RBM39: variants seen among roughly 807,000 people sequenced by gnomAD.
The protein encoded by RBM39 is RNA-binding protein 39.
In RBM39, 12 loss-of-function variants were observed where a neutral mutation model predicts 79.6. The ratio of observed to expected loss-of-function variants is 0.15; its 90% confidence interval spans 0.10 to 0.24. The LOEUF (loss-of-function observed/expected upper bound fraction) is 0.24. RBM39 is among the 10% of genes least tolerant of loss of function. The pLI is 1.00. For missense variants in RBM39, 243 were observed against 653.4 expected (o/e 0.37, Z 6.85); for synonymous variants, 185 against 208.4 (o/e 0.89, Z 0.97).
intron 4 of RBM39, 122 bp downstream of exon 4, chr20:35,731,814 TAATTC>T: frequency 1.1e-6 from 1 of 928,134 alleles, no homozygotes; most frequent in Admixed American, 2.2e-5. Context: ...CCAATATCCT[TAATTC>T]AATACTTTTT....
At chr20:35,709,634 A>G (rs1053093129) in intron 12 of RBM39, among the ~76,000 whole-genome samples, 2 of 152,218 alleles carry the variant, frequency 1.3e-5, no homozygotes, top group African/African-American at 4.8e-5. Context: ...AGTACTTGGG[A>G]AATGCAAGTA....
chr20:35,705,194 TAAC>T, intron 15 of RBM39, 28 bp downstream of exon 15: 1 of 1,300,274 alleles, frequency 7.7e-7, no homozygotes, highest in Non-Finnish European at 1.1e-6. Context: ...ACGAACAACC[TAAC>T]ATCATTTATA....
In RBM39 at chr20:35,704,568, T is replaced by A; in HGVS notation, c.1506A>T (p.Thr502=). The change falls in exon 17 of 17, where the codon ACA becomes ACT. Residue 502 remains threonine (T), a synonymous_variant. Transcript: ENST00000253363. ...HGRWFAGKMI[T]AAYVPLPTYH... ...AAGTTGGAAGAGGTACATATGCTGCTGTTATCATTTTACCTATTAAAAGAA... is the reference window on the plus strand; with the variant it reads ...AAGTTGGAAGAGGTACATATGCTGCAGTTATCATTTTACCTATTAAAAGAA... The A allele has an allele frequency of 1.9e-6, 3 of 1,613,264 alleles. No individual in the cohort carries two copies. Among genetic ancestry groups the A allele is most frequent in the Non-Finnish European group, 2.5e-6 (3 of 1,179,178 alleles).
rs1221161147 is a variant in RBM39, at chr20:35,712,847, A to G, written c.1174+172T>C. Among the ~76,000 whole-genome samples, 3 of 152,198 alleles carry G rather than the reference A, an allele frequency of 2.0e-5. No individual in the cohort carries two copies. The East Asian group carries it at 5.8e-4, about 29-fold the overall frequency. ...CTGTCCTGACAACTCATTTTGATGCATGGTTAATTCTACCCTATGTCTCCA... is the reference window on the plus strand; with the variant it reads ...CTGTCCTGACAACTCATTTTGATGCGTGGTTAATTCTACCCTATGTCTCCA... On this transcript the variant is annotated intron_variant, in intron 12 of 16. Transcript: ENST00000253363.
At chr20:35,737,058 ACCAT>A (rs2040004991) in intron 3 of RBM39, among the ~76,000 whole-genome samples, 1 of 150,526 alleles carries the variant, frequency 6.6e-6, no homozygotes, top group African/African-American at 2.4e-5. Flanking sequence ...AGAGATGGAG[ACCAT>A]CCTGGCCAAC....
At chr20:35,733,823 A>C (rs2039633029) in intron 3 of RBM39, among the ~76,000 whole-genome samples, 1 of 152,112 alleles carries the variant, frequency 6.6e-6, no homozygotes, top group African/African-American at 2.4e-5. Context: ...CTCTAACTAA[A>C]AACCAAAAAA....
intron 9 of RBM39, 78 bp downstream of exon 9, chr20:35,721,660 CAA>C: frequency 6.8e-7 from 1 of 1,478,412 alleles, no homozygotes; most frequent in Non-Finnish European, 9.2e-7. Context: ...AGAAAGATAA[CAA>C]AGCAAGACAT....
intron 8 of RBM39, among the ~76,000 whole-genome samples, chr20:35,722,965 T>C (rs1475736897): frequency 2.0e-5 from 3 of 149,792 alleles, no homozygotes; most frequent in African/African-American, 7.3e-5. Flanking sequence ...GTAAGCAGGC[T>C]ACATTTCACA....
rs757169333 is a variant in RBM39, at chr20:35,740,816, T to C, written c.51+8A>G. 1 of 1,607,186 alleles carries C rather than the reference T, an allele frequency of 6.2e-7. No homozygotes were observed. The highest frequency in any genetic ancestry group is 1.3e-5 in the African/African-American group (1 of 74,522). ...ATATATAAACCTCACCGACATGTTT[T>C]TTCTCACCTTCTTGTAAGGAGCCTC... On this transcript the variant is annotated splice_region_variant and intron_variant, in intron 2 of 16. Transcript: ENST00000253363.
At chr20:35,727,025 C>T (rs921854808) in intron 6 of RBM39, among the ~76,000 whole-genome samples, 6 of 151,936 alleles carry the variant, frequency 3.9e-5, no homozygotes, top group Non-Finnish European at 8.8e-5. Flanking sequence ...TGGGGTTTCA[C>T]CATGTTGGTC....
At chr20:35,738,855 AAAG>A in intron 3 of RBM39, 110 bp downstream of exon 3, 1 of 936,154 alleles carries the variant, frequency 1.1e-6, no homozygotes, top group Non-Finnish European at 1.6e-6. Flanking sequence ...TAAAAGCAGC[AAAG>A]AAAAGCTTCA....
intron 10 of RBM39, 74 bp from the exon 11 acceptor site, chr20:35,714,463 T>A (rs2036853219): frequency 4.2e-6 from 6 of 1,431,178 alleles, no homozygotes; most frequent in Non-Finnish European, 4.6e-6. Context: ...TAAAAATATA[T>A]TTATATTTTT....
intron 6 of RBM39, among the ~76,000 whole-genome samples, chr20:35,726,811 G>T (rs1052579799): frequency 1.3e-5 from 2 of 151,994 alleles, no homozygotes; most frequent in Admixed American, 1.3e-4. Flanking sequence ...CGCTCCACCT[G>T]TAAGATTTGT....
intron 9 of RBM39, among the ~76,000 whole-genome samples, chr20:35,721,487 C>T (rs1375466676): frequency 6.6e-6 from 1 of 152,190 alleles, no homozygotes. Flanking sequence ...CCATGCCCAG[C>T]CAATGTGGAC....
At chr20:35,716,515 ATG>A (rs1169259094) in intron 10 of RBM39, among the ~76,000 whole-genome samples, 2 of 152,130 alleles carry the variant, frequency 1.3e-5, no homozygotes, top group Non-Finnish European at 2.9e-5. Context: ...TTTCACATTC[ATG>A]TGTGAGCTGT....
chr20:35,741,105 G>A (rs1296682153), intron 1 of RBM39, among the ~76,000 whole-genome samples: 1 of 133,688 alleles, frequency 7.5e-6, no homozygotes, highest in Admixed American at 8.7e-5. Flanking sequence ...CGCGATCTCG[G>A]CTCACTGCAA....
chr20:35,712,435 CAAA>C (rs765974114), intron 12 of RBM39, among the ~76,000 whole-genome samples: 2,955 of 32,706 alleles, frequency 0.09, 84 homozygotes, highest in African/African-American at 0.18. Flanking sequence ...TACTGTTATC[CAAA>C]AAAAAAAAAA....
rs779584443 is a variant in RBM39 at position 35,735,015 on chromosome 20, G to C, written c.102-2880C>G. 68 of 1,609,082 alleles carry C rather than the reference G, an allele frequency of 4.2e-5. No individual in the cohort carries two copies. In the East Asian group the frequency reaches 1.5e-3, roughly 35 times the overall value. On this transcript the variant is annotated intron_variant, in intron 3 of 16. Coordinates refer to ENST00000253363, the MANE Select transcript of RBM39 (RefSeq NM_184234.3). The stretch of plus-strand genomic sequence containing the variant: ...TGGTTATATGGCCTCTGCAGTAAAG[G>C]TGTTTTGCTATAACTGGATTTGACC...
intron 7 of RBM39, 76 bp downstream of exon 7, chr20:35,724,962 A>G: frequency 1.8e-6 from 2 of 1,127,992 alleles, no homozygotes; most frequent in South Asian, 2.8e-5. Context: ...TACTAAATCA[A>G]ATGAAGTATT....
Sources: gnomAD v4.1 joint callset for allele counts (sites outside exome capture counted in the v4.1 genomes callset) on GRCh38, gnomAD v4.1.1 for gene constraint, MANE v1.5 for transcripts, NCBI Gene and HGNC (gene_info 2026-07-23, HGNC 2026-07-21) for gene names.